Variants in MANSC1 observed in about 807,000 individuals in gnomAD.
MANSC1 encodes the protein MANSC domain containing 1, also known as MANSC domain-containing protein 1.
In MANSC1, 13 loss-of-function variants were observed where a neutral mutation model predicts 14.1. The observed-to-expected ratio is 0.92, with a 90% CI of 0.60 to 1.46. The LOEUF (loss-of-function observed/expected upper bound fraction) is 1.46. MANSC1 is among the 40% of genes most tolerant of loss of function. The pLI, the probability that MANSC1 is intolerant of heterozygous loss-of-function variation, is 0.00. For synonymous variants in MANSC1, 227 were observed against 200.7 expected (o/e 1.13, Z -1.11); for missense variants, 486 against 511.4 (o/e 0.95, Z 0.48).
intron 1 of MANSC1, among the ~76,000 whole-genome samples, chr12:12,349,081 T>G (rs1426724973): frequency 6.6e-6 from 1 of 152,216 alleles, no homozygotes; most frequent in African/African-American, 2.4e-5. Context: ...TCGGCAATAT[T>G]TACAGGGGGC....
Position 12,330,225 on chromosome 12 carries a change from A to G in MANSC1, c.1098T>C (p.Ser366=). The change falls in exon 4 of 4, where the codon AGT becomes AGC. Residue 366 remains serine (S), a synonymous_variant. Transcript: ENST00000535902. ...SWEGREASPG[S]SSQGSVPENQ... ...TTTCTGGAACACTGCCCTGGGAGGA[A>G]CTGCCTGGACTGGCCTCCCTACCTT... is the stretch of plus-strand genomic sequence containing the variant. 6.2e-7 allele frequency: 1 copy of G among 1,614,174 alleles called. No individual in the cohort carries two copies. The highest frequency in any genetic ancestry group is 8.5e-7 in the Non-Finnish European group (1 of 1,180,018).
In MANSC1 at chr12:12,330,644, G is replaced by C; in HGVS notation, c.679C>G (p.Pro227Ala). ...GGAGAAGCAACTGCCACCGTAGCTG[G>C]GAGCGCACTCACATTTTCAGGCAGC... is the stretch of plus-strand genomic sequence containing the variant. ...HLLPENVSAL[P>A]ATVAVASPHT... Residue 227 changes from proline to alanine, a missense_variant, in exon 4 of 4, where the codon CCA becomes GCA. Transcript: ENST00000535902. 6.2e-7 allele frequency: 1 copy of C among 1,614,134 alleles called. No homozygotes were observed. The highest frequency in any genetic ancestry group is 8.5e-7 in the Non-Finnish European group (1 of 1,180,014).
Position 12,330,008 on chromosome 12 carries a change from G to C in MANSC1, c.*19C>G, listed in dbSNP as rs1180378068. ...GGCTTCTGGTTACTAAATGAATTAA[G>C]AGACACCGAGTTCCATCCTTAGATG... On this transcript the variant is annotated 3_prime_UTR_variant, in exon 4 of 4. Transcript: ENST00000535902. The C allele has an allele frequency of 1.1e-5, 18 of 1,599,004 alleles. No homozygotes were observed. Among genetic ancestry groups the C allele is most frequent in the Admixed American group, 6.9e-5 (4 of 58,302 alleles).
At position 12,330,200 on chromosome 12, in the gene MANSC1, T is replaced by C. The variant is rs3741803; in HGVS notation, c.1123A>G (p.Asn375Asp). ...TTTTCAAATGGAAGGCCGTACTGATTTTCTGGAACACTGCCCTGGGAGGAA... is the reference window on the plus strand; with the variant it reads ...TTTTCAAATGGAAGGCCGTACTGATCTTCTGGAACACTGCCCTGGGAGGAA... ...GSSSQGSVPE[N>D]QYGLPFEKWL... is the part of the protein sequence containing the mutation. Residue 375 changes from asparagine to aspartate, a missense_variant, in exon 4 of 4, where the codon AAT (asparagine) becomes GAT (aspartate). Asn to Asp is a conservative substitution (Grantham distance 23, BLOSUM62 1). Transcript: ENST00000535902. 1.9e-6 allele frequency: 3 copies of C among 1,614,134 alleles called. No individual in the cohort carries two copies. The highest frequency in any genetic ancestry group is 2.5e-6 in the Non-Finnish European group (3 of 1,180,024).
intron 3 of MANSC1, among the ~76,000 whole-genome samples, chr12:12,331,815 G>A (rs142830064): frequency 3.5e-4 from 54 of 152,232 alleles, no homozygotes; most frequent in South Asian, 2.5e-3. Context: ...GAGATATATC[G>A]TTCCAGCACT....
chr12:12,329,999 A>G lies in MANSC1; in HGVS notation c.*28T>C. ...TTGCATTTGGGCTTCTGGTTACTAA[A>G]TGAATTAAGAGACACCGAGTTCCAT... On this transcript the variant is annotated 3_prime_UTR_variant, in exon 4 of 4. Coordinates refer to ENST00000535902, the MANE Select transcript of MANSC1 (RefSeq NM_018050.4). 6.3e-7 allele frequency: 1 copy of G among 1,580,446 alleles called. No individual in the cohort carries two copies. Among genetic ancestry groups the G allele is most frequent in the Non-Finnish European group, 8.6e-7 (1 of 1,159,016 alleles).
At chr12:12,344,919 A>T (rs1316023833) in intron 1 of MANSC1, among the ~76,000 whole-genome samples, 1 of 13,276 alleles carries the variant, frequency 7.5e-5, no homozygotes, top group Non-Finnish European at 1.5e-4. Flanking sequence ...AAACTCCCAT[A>T]TATATATATA....
chr12:12,336,554 T>G (rs1592031904), intron 3 of MANSC1, among the ~76,000 whole-genome samples: 1 of 152,122 alleles, frequency 6.6e-6, no homozygotes, highest in East Asian at 1.9e-4. Flanking sequence ...AGAGATAGTA[T>G]CTCACTTTGT....
rs370523906 is a variant in MANSC1, at chr12:12,330,594, C to A, written c.729G>T (p.Lys243Asn). 416 of 1,614,166 alleles carry A rather than the reference C, an allele frequency of 2.6e-4. 2 individuals carry two copies. Among genetic ancestry groups the A allele is most frequent in the Non-Finnish European group, 3.3e-4 (389 of 1,180,028 alleles). The change falls in exon 4 of 4, where the codon AAG becomes AAT. Residue 243 changes from lysine (K) to asparagine (N), a missense_variant. By Grantham distance (94) the Lys-to-Asn change is moderately conservative. Coordinates refer to ENST00000535902, the MANE Select transcript of MANSC1 (RefSeq NM_018050.4). ...ASPHTTSATP[K>N]PATLLPTNAS... Reference sequence around the variant, plus strand: ...CATTGGTGGGTAGAAGGGTGGCGGGCTTTGGAGTAGCCGAGGTGGTATGTG... The same window carrying A: ...CATTGGTGGGTAGAAGGGTGGCGGGATTTGGAGTAGCCGAGGTGGTATGTG...
intron 2 of MANSC1, among the ~76,000 whole-genome samples, chr12:12,341,232 C>T (rs930696215): frequency 5.9e-5 from 9 of 152,224 alleles, no homozygotes; most frequent in Non-Finnish European, 1.2e-4. Flanking sequence ...ACTAATAGAA[C>T]TAAGGAAAAT....
At position 12,330,159 on chromosome 12, in the gene MANSC1, C is replaced by A; in HGVS notation, c.1164G>T (p.Gly388=). 3.1e-6 allele frequency: 5 copies of A among 1,614,128 alleles called. No individual in the cohort carries two copies. The highest frequency in any genetic ancestry group is 4.2e-6 in the Non-Finnish European group (5 of 1,180,046). ...GGAACAGGACACCAAAGAGCAGGGA[C>A]CCGATAAGAAGCCATTTTTCAAATG... The part of the protein sequence containing the change: ...GLPFEKWLLI[G]SLLFGVLFLV... Residue 388 remains glycine (G), a synonymous_variant, in exon 4 of 4, where the codon GGG becomes GGT. Transcript: ENST00000535902.
chr12:12,346,698 C>T (rs985544674), intron 1 of MANSC1, among the ~76,000 whole-genome samples: 5 of 152,158 alleles, frequency 3.3e-5, no homozygotes, highest in Admixed American at 2.0e-4. Context: ...TAGCCACATA[C>T]TTTACACCTT....
intron 3 of MANSC1, among the ~76,000 whole-genome samples, chr12:12,332,103 A>G (rs1862798697): frequency 6.6e-6 from 1 of 152,188 alleles, no homozygotes; most frequent in African/African-American, 2.4e-5. Flanking sequence ...TGTTCAAGCA[A>G]TCAAGTGCAG....
In MANSC1 at chr12:12,330,649, G is replaced by A. The variant is rs749710243; in HGVS notation, c.674C>T (p.Ala225Val). Reference sequence around the variant, plus strand: ...AGCAACTGCCACCGTAGCTGGGAGCGCACTCACATTTTCAGGCAGCAGATG... The same window carrying A: ...AGCAACTGCCACCGTAGCTGGGAGCACACTCACATTTTCAGGCAGCAGATG... ...IAHLLPENVSALPATVAVASP... is the reference protein window; with the variant it reads ...IAHLLPENVSVLPATVAVASP... The change falls in exon 4 of 4, where the codon GCG becomes GTG. Residue 225 changes from alanine (A) to valine (V), a missense_variant. Ala to Val is a moderately conservative substitution (Grantham distance 64). Coordinates refer to ENST00000535902, the MANE Select transcript of MANSC1 (RefSeq NM_018050.4). 15 of 1,614,008 alleles carry A rather than the reference G, an allele frequency of 9.3e-6. No homozygotes were observed. The highest frequency in any genetic ancestry group is 4.5e-5 in the East Asian group (2 of 44,894).
intron 1 of MANSC1, among the ~76,000 whole-genome samples, chr12:12,346,039 C>T (rs1021637396): frequency 2.0e-5 from 3 of 152,094 alleles, no homozygotes; most frequent in African/African-American, 4.8e-5. Flanking sequence ...TTTGGGAGGC[C>T]GAGGCAGGCA....
rs371863729 is a variant in MANSC1 at position 12,342,295 on chromosome 12, A to G, written c.223+797T>C. ...TGGCAAGGCCTTGTCCATCTTATTC[A>G]CTGTTTTCTCTCTGGCAACTAACAA... On this transcript the variant is annotated intron_variant, in intron 2 of 3. Coordinates refer to ENST00000535902, the MANE Select transcript of MANSC1 (RefSeq NM_018050.4). 3.7e-4 allele frequency among the ~76,000 whole-genome samples: 56 copies of G among 152,294 alleles called. 3 individuals carry two copies. In the South Asian group the frequency reaches 8.9e-3, roughly 24 times the overall value.
At chr12:12,342,374 G>T (rs1306898730) in intron 2 of MANSC1, among the ~76,000 whole-genome samples, 2 of 152,116 alleles carry the variant, frequency 1.3e-5, no homozygotes, top group African/African-American at 4.8e-5. Context: ...CTCGGACAGG[G>T]TCATAAGTAA....
At chr12:12,336,489 C>G (rs1862860587) in intron 3 of MANSC1, among the ~76,000 whole-genome samples, 1 of 152,012 alleles carries the variant, frequency 6.6e-6, no homozygotes, top group South Asian at 2.1e-4. Context: ...TATTGTCTCT[C>G]TCCCCTAAAA....
intron 1 of MANSC1, among the ~76,000 whole-genome samples, chr12:12,345,107 G>T (rs1267892181): frequency 1.3e-5 from 2 of 149,398 alleles, no homozygotes; most frequent in Non-Finnish European, 3.0e-5. Flanking sequence ...ATCACCTGAG[G>T]TCAGGAGTTC....
Sources: allele counts gnomAD v4.1 joint callset (sites outside exome capture counted in the v4.1 genomes callset), GRCh38; gene constraint gnomAD v4.1.1; transcripts MANE v1.5; gene names NCBI Gene and HGNC (gene_info 2026-07-23, HGNC 2026-07-21).